Variants in SPTBN4 observed in about 807,000 individuals in gnomAD.
SPTBN4 encodes the protein spectrin beta chain, non-erythrocytic 4.
A neutral mutation model predicts 277.8 loss-of-function variants in SPTBN4; 96 were observed. That is an observed-to-expected ratio of 0.35 (90% confidence interval 0.29 to 0.41). The LOEUF (loss-of-function observed/expected upper bound fraction) is 0.41. Among genes scored for constraint, SPTBN4 ranks in the 10% least tolerant of loss-of-function variants. The pLI is 1.00. For synonymous variants in SPTBN4, 1,481 were observed against 1,580.3 expected, an observed-to-expected ratio of 0.94 and a Z score of 1.49; for missense variants, 3,006 against 3,595.7, an observed-to-expected ratio of 0.84 and a Z score of 4.19.
At chr19:40,570,889 A>G (rs968506821) in intron 33 of SPTBN4, 161 bp downstream of exon 33, 1 of 694,364 alleles carries the variant, frequency 1.4e-6, no homozygotes, top group Non-Finnish European at 2.1e-6. Context: ...GGCTTAAATC[A>G]AGAAAGCCAA....
intron 18 of SPTBN4, among the ~76,000 whole-genome samples, chr19:40,531,410 C>T (rs2080668762): frequency 2.2e-5 from 3 of 135,430 alleles, no homozygotes; most frequent in African/African-American, 8.2e-5. Context: ...GGGATTTGTC[C>T]TTGGCTATGA....
In SPTBN4 at chr19:40,532,730, G is replaced by C. The variant is rs1193184899; in HGVS notation, c.4054G>C (p.Glu1352Gln). The C allele has an allele frequency of 7.4e-6, 12 of 1,613,344 alleles. No individual in the cohort carries two copies. Among genetic ancestry groups the C allele is most frequent in the East Asian group, 2.2e-5 (1 of 44,862 alleles). The stretch of plus-strand genomic sequence containing the variant: ...GCTCCGGCACCAGGCATTCATGGCC[G>C]AGCTGGCTCAGAATAAGGAGTGGCT... Reference protein sequence around the residue: ...RWLRHQAFMAELAQNKEWLEK... With the variant: ...RWLRHQAFMAQLAQNKEWLEK... Residue 1352 changes from glutamate (E) to glutamine (Q), a missense_variant, in exon 19 of 36, where the codon GAG becomes CAG. Coordinates refer to ENST00000598249, the MANE Select transcript of SPTBN4 (RefSeq NM_020971.3).
At position 40,565,527 on chromosome 19, in the gene SPTBN4, C is replaced by T; in HGVS notation, c.6020C>T (p.Ser2007Phe). 6.2e-7 allele frequency: 1 copy of T among 1,614,126 alleles called. No individual in the cohort carries two copies. Among genetic ancestry groups the T allele is most frequent in the Non-Finnish European group, 8.5e-7 (1 of 1,180,000 alleles). The change falls in exon 28 of 36, where the codon TCT (serine) becomes TTT (phenylalanine). Residue 2007 changes from serine to phenylalanine, a missense_variant. By Grantham distance (155) the Ser-to-Phe change is radical. Around this residue, in one of 5 missense-constraint regions of SPTBN4, gnomAD observed 425 missense variants for 594.7 expected, o/e 0.71. Coordinates refer to ENST00000598249, the MANE Select transcript of SPTBN4 (RefSeq NM_020971.3). ...ELTTCQELGR[S>F]LLLNKSAMAD... ...ACCACCTGCCAGGAGCTGGGGCGAT[C>T]TCTGCTGCTCAACAAAAGTGCCATG...
At chr19:40,501,572 A>C (rs947933306) in intron 7 of SPTBN4, among the ~76,000 whole-genome samples, 1 of 152,022 alleles carries the variant, frequency 6.6e-6, no homozygotes, top group Non-Finnish European at 1.5e-5. Context: ...GGAGGCTGAG[A>C]CAGAAGAATC....
In SPTBN4 at chr19:40,484,807, C is replaced by A. The variant is rs531608651; in HGVS notation, c.170-2890C>A. On this transcript the variant is annotated intron_variant, in intron 2 of 35. Transcript: ENST00000598249. ...ATTAGCCGGGCGTGGTGGCAGGTAC[C>A]TGTAGTCCCAGCTACTGAGGAGGCT... Among the ~76,000 whole-genome samples, 3 of 151,964 alleles carry A rather than the reference C, an allele frequency of 2.0e-5. No homozygotes were observed. In the East Asian group the frequency reaches 5.8e-4, roughly 29 times the overall value.
intron 11 of SPTBN4, 84 bp downstream of exon 11, chr19:40,503,017 T>C (rs2080281767): frequency 6.6e-7 from 1 of 1,506,340 alleles, no homozygotes; most frequent in Admixed American, 2.1e-5. Flanking sequence ...AGACTTGATC[T>C]TCTAGGCAAC....
At position 40,492,986 on chromosome 19, in the gene SPTBN4, T is replaced by C. The variant is rs761807356; in HGVS notation, c.519T>C (p.Thr173=). Residue 173 remains threonine, a synonymous_variant, in exon 5 of 36, where the codon ACT becomes ACC. Transcript: ENST00000598249. ...AGATTCAAGTCATCAAAATTGAGAC[T>C]GAGGACAACAGAGAGACACGCTCAG... ...RFQIQVIKIE[T]EDNRETRSAK... 1 of 1,614,098 alleles carries C rather than the reference T, an allele frequency of 6.2e-7. No homozygotes were observed. Among genetic ancestry groups the C allele is most frequent in the East Asian group, 2.2e-5 (1 of 44,878 alleles).
chr19:40,502,817 G>A lies in SPTBN4; in HGVS notation c.1246G>A (p.Ala416Thr). The A allele has an allele frequency of 6.2e-7, 1 of 1,613,950 alleles. No individual in the cohort carries two copies. Among genetic ancestry groups the A allele is most frequent in the Non-Finnish European group, 8.5e-7 (1 of 1,180,026 alleles). ...GAAGGCTGAGCATGAGCGGGAGGCT[G>A]CCCTACGGGCTGAGCTGATTCGGCA... is the stretch of plus-strand genomic sequence containing the variant. ...LEKAEHEREA[A>T]LRAELIRQEK... Residue 416 changes from alanine to threonine, a missense_variant, in exon 11 of 36, where the codon GCC (alanine) becomes ACC (threonine). Transcript: ENST00000598249. This position sits in a 1 kb window ranked among gnomAD's most constrained non-coding sequence, Gnocchi z 4.9.
chr19:40,571,872 A>C (rs889289524), intron 33 of SPTBN4, 147 bp from the exon 34 acceptor site: 1 of 843,538 alleles, frequency 1.2e-6, no homozygotes, highest in African/African-American at 1.7e-5. Flanking sequence ...CTTAAGGAAG[A>C]GCATTTTAGG....
chr19:40,550,439 A>G, intron 22 of SPTBN4, 112 bp downstream of exon 22: 1 of 942,278 alleles, frequency 1.1e-6, no homozygotes, highest in South Asian at 1.5e-5. Flanking sequence ...GGAATTAACA[A>G]GACTGTGGAC....
intron 2 of SPTBN4, among the ~76,000 whole-genome samples, chr19:40,473,784 C>T (rs779229662): frequency 1.3e-5 from 2 of 151,880 alleles, no homozygotes; most frequent in Non-Finnish European, 2.9e-5. Flanking sequence ...CTTAGAATCC[C>T]GAAATGCAGA....
intron 18 of SPTBN4, among the ~76,000 whole-genome samples, chr19:40,532,006 G>C (rs947394357): frequency 6.6e-6 from 1 of 151,900 alleles, no homozygotes; most frequent in Non-Finnish European, 1.5e-5. Context: ...GCTAGATCTC[G>C]ATTATGGAGG....
At chr19:40,567,190 G>A (rs148805754) in intron 30 of SPTBN4, 198 of 452,692 alleles carry the variant, frequency 4.4e-4, no homozygotes, top group Admixed American at 1.2e-3. Flanking sequence ...GCTACTCAGA[G>A]GGGTGACTGA....
intron 12 of SPTBN4, among the ~76,000 whole-genome samples, chr19:40,504,456 C>T (rs2145850999): frequency 6.6e-6 from 1 of 152,262 alleles, no homozygotes; most frequent in Admixed American, 6.5e-5. Flanking sequence ...CACTTGAGGT[C>T]AGCAGTTTCA....
chr19:40,573,778 G>C (rs1020507501), intron 35 of SPTBN4, among the ~76,000 whole-genome samples: 2 of 151,786 alleles, frequency 1.3e-5, no homozygotes, highest in Non-Finnish European at 2.9e-5. Flanking sequence ...ACTCCAGCCT[G>C]GGTAACAAGA....
intron 11 of SPTBN4, among the ~76,000 whole-genome samples, 162 bp downstream of exon 11, chr19:40,503,095 G>A (rs2080282450): frequency 6.6e-6 from 1 of 152,130 alleles, no homozygotes; most frequent in African/African-American, 2.4e-5. Flanking sequence ...CCTTCCAAGT[G>A]ATTGTTGGGT....
chr19:40,534,570 G>A lies in SPTBN4; in HGVS notation c.4359+227G>A, dbSNP rs1480110273. 10 of 580,800 alleles carry A rather than the reference G, an allele frequency of 1.7e-5. No individual in the cohort carries two copies. The Admixed American group carries it at 2.1e-4, about 12-fold the overall frequency. 36.0% of individuals were successfully genotyped at this position (580,800 alleles called of 1,614,324 possible). A position where few individuals can be genotyped will look rare whatever the true frequency, so the allele number is the denominator to read the frequency against. On this transcript the variant is annotated intron_variant, in intron 20 of 35. Coordinates refer to ENST00000598249, the MANE Select transcript of SPTBN4 (RefSeq NM_020971.3). Reference sequence around the variant, plus strand: ...GTACAAAGGGAAAAGGAAGGATCTAGAGCCACAAAGCAGTAGGTAAATGAC... The same window carrying A: ...GTACAAAGGGAAAAGGAAGGATCTAAAGCCACAAAGCAGTAGGTAAATGAC...
intron 24 of SPTBN4, among the ~76,000 whole-genome samples, chr19:40,555,489 CAAAA>C (rs56045928): frequency 5.3e-5 from 4 of 74,900 alleles, no homozygotes; most frequent in Admixed American, 1.7e-4. Flanking sequence ...GACTCCGTCT[CAAAA>C]AAAAAAAAAA....
chr19:40,565,259 T>C (rs2081079582), intron 27 of SPTBN4, among the ~76,000 whole-genome samples, 164 bp from the exon 28 acceptor site: 1 of 147,404 alleles, frequency 6.8e-6, no homozygotes, highest in Admixed American at 6.8e-5. Context: ...GGTGAGACTT[T>C]ATCTCAAAAA....
Sources: gnomAD v4.1 joint callset for allele counts (sites outside exome capture counted in the v4.1 genomes callset) on GRCh38, gnomAD v4.1.1 for gene constraint, gnomAD v4.1.1 regional missense constraint, Gnocchi (gnomAD v3.1) non-coding constraint, MANE v1.5 for transcripts, NCBI Gene and HGNC (gene_info 2026-07-23, HGNC 2026-07-21) for gene names.